Variants in MALRD1 observed in about 807,000 individuals in gnomAD.
MALRD1 encodes the protein MAM and LDL receptor class A domain containing 1.
A neutral mutation model predicts 242.1 loss-of-function variants in MALRD1; 247 were observed. The ratio of observed to expected loss-of-function variants is 1.02; its 90% CI spans 0.92 to 1.13. MALRD1 has a LOEUF of 1.13. Among genes scored for constraint, MALRD1 ranks in the 50% most tolerant of loss-of-function variants. The pLI, the probability that MALRD1 is intolerant of heterozygous loss-of-function variation, is 0.00. For synonymous variants in MALRD1, 995 were observed against 866.6 expected (o/e 1.15, Z -2.60); for missense variants, 2,989 against 2,533.1 (o/e 1.18, Z -3.86).
At chr10:19,624,529 C>T (rs577019627) in intron 36 of MALRD1, among the ~76,000 whole-genome samples, 1 of 152,056 alleles carries the variant, frequency 6.6e-6, no homozygotes, top group East Asian at 1.9e-4. Context: ...ATGACATAAA[C>T]CTGTGGAGCA....
chr10:19,069,748 A>G (rs1835085833), intron 2 of MALRD1, among the ~76,000 whole-genome samples: 1 of 145,630 alleles, frequency 6.9e-6, no homozygotes, highest in Non-Finnish European at 1.5e-5. Context: ...GATATCCACA[A>G]TTTCTTTTTT....
chr10:19,627,885 T>C (rs1053393560), intron 36 of MALRD1, among the ~76,000 whole-genome samples: 16 of 151,014 alleles, frequency 1.1e-4, no homozygotes, highest in Admixed American at 1.1e-3. Flanking sequence ...ATAAAAATTA[T>C]GTAACAGATA....
chr10:19,547,742 C>CACTTCA (rs138016039), intron 32 of MALRD1, among the ~76,000 whole-genome samples: 6,746 of 122,976 alleles, frequency 0.055, 593 homozygotes, highest in African/African-American at 0.19. Flanking sequence ...AGCTACAGCA[C>CACTTCA]ACTTCATTTT....
chr10:19,125,310 CTTCCTTCCTTCCTTCTTTCTTTCTTTCT>C (rs1837227030), intron 7 of MALRD1, among the ~76,000 whole-genome samples: 1 of 71,526 alleles, frequency 1.4e-5, no homozygotes, highest in African/African-American at 6.6e-5. Context: ...TCCTTCCTTC[CTTCCTTCCTTCCTTCTTTCTTTCTTTCT>C]TTCTTTCTTT....
chr10:19,283,125 C>G lies in MALRD1; in HGVS notation c.3363C>G (p.Asn1121Lys). ...DSNTFRWGLGNGISIHHGEEN... is the reference protein window; with the variant it reads ...DSNTFRWGLGKGISIHHGEEN... ...ACACATTCAGGTGGGGGCTTGGGAA[C>G]GGGATCAGCATTCATCATGGGGAAG... Residue 1121 changes from asparagine (N) to lysine (K), a missense_variant, in exon 21 of 40, where the codon AAC becomes AAG. By Grantham distance (94) the Asn-to-Lys change is moderately conservative. Coordinates refer to ENST00000454679, the MANE Select transcript of MALRD1 (RefSeq NM_001142308.3). 3 of 1,549,454 alleles carry G rather than the reference C, an allele frequency of 1.9e-6. No homozygotes were observed. The highest frequency in any genetic ancestry group is 2.6e-6 in the Non-Finnish European group (3 of 1,146,332).
intron 26 of MALRD1, among the ~76,000 whole-genome samples, chr10:19,378,285 T>C (rs1845693091): frequency 6.6e-6 from 1 of 152,178 alleles, no homozygotes; most frequent in South Asian, 2.1e-4. Flanking sequence ...TCCACTGTAA[T>C]TTATCACATG....
intron 28 of MALRD1, among the ~76,000 whole-genome samples, chr10:19,393,776 G>A (rs947343517): frequency 2.7e-5 from 4 of 150,174 alleles, no homozygotes; most frequent in African/African-American, 9.8e-5. Flanking sequence ...AATTAATGAT[G>A]AGTAATATGT....
chr10:19,508,121 GGAA>G (rs1026102246), intron 31 of MALRD1, among the ~76,000 whole-genome samples: 104 of 151,468 alleles, frequency 6.9e-4, no homozygotes, highest in African/African-American at 2.5e-3. Flanking sequence ...TGGGGGTGGG[GGAA>G]GAAGAGTGAG....
intron 28 of MALRD1, among the ~76,000 whole-genome samples, chr10:19,422,593 A>T (rs571968469): frequency 6.6e-6 from 1 of 152,266 alleles, no homozygotes; most frequent in Non-Finnish European, 1.5e-5. Flanking sequence ...AACAAATGAG[A>T]ATTGCATTTT....
At chr10:19,375,983 G>A (rs753517657) in intron 26 of MALRD1, among the ~76,000 whole-genome samples, 4 of 152,118 alleles carry the variant, frequency 2.6e-5, no homozygotes, top group African/African-American at 4.8e-5. Flanking sequence ...TTTGCTGGGC[G>A]TGGTGATGCA....
chr10:19,282,652 C>A (rs186050843), intron 20 of MALRD1, among the ~76,000 whole-genome samples: 1 of 152,120 alleles, frequency 6.6e-6, no homozygotes, highest in Admixed American at 6.6e-5. Flanking sequence ...TTAGCAATAA[C>A]CCCTTCAGAG....
At chr10:19,712,426 T>G (rs889475869) in intron 38 of MALRD1, among the ~76,000 whole-genome samples, 1 of 152,202 alleles carries the variant, frequency 6.6e-6, no homozygotes, top group Non-Finnish European at 1.5e-5. Context: ...TTTAACTAAA[T>G]GTATTAATAA....
chr10:19,385,522 TG>T (rs1846037256), intron 26 of MALRD1, among the ~76,000 whole-genome samples: 1 of 152,088 alleles, frequency 6.6e-6, no homozygotes, highest in Admixed American at 6.6e-5. Context: ...ATTCAATTCT[TG>T]GTGTATAATT....
At chr10:19,683,085 C>T (rs984963915) in intron 36 of MALRD1, among the ~76,000 whole-genome samples, 3 of 151,034 alleles carry the variant, frequency 2.0e-5, no homozygotes, top group Admixed American at 6.6e-5. Context: ...CTTGAGGCCA[C>T]GTAGTTCAAG....
At chr10:19,673,912 C>T (rs186177195) in intron 36 of MALRD1, among the ~76,000 whole-genome samples, 31 of 151,446 alleles carry the variant, frequency 2.0e-4, no homozygotes, top group African/African-American at 4.8e-4. Flanking sequence ...AATTTATATG[C>T]GTGTGCATGT....
chr10:19,352,570 C>T (rs1057300740), intron 26 of MALRD1, among the ~76,000 whole-genome samples: 1 of 152,094 alleles, frequency 6.6e-6, no homozygotes, highest in Non-Finnish European at 1.5e-5. Context: ...AGAGAAGACT[C>T]CTTTGTTTGC....
chr10:19,588,305 A>C (rs934749422), intron 33 of MALRD1, among the ~76,000 whole-genome samples: 1 of 152,224 alleles, frequency 6.6e-6, no homozygotes, highest in African/African-American at 2.4e-5. Flanking sequence ...TAAAATTACT[A>C]TTTAAACCAC....
chr10:19,387,809 A>G (rs973804796), intron 27 of MALRD1, 36 bp downstream of exon 27: 28 of 1,530,248 alleles, frequency 1.8e-5, no homozygotes, highest in African/African-American at 4.2e-5. Flanking sequence ...CTTTCACATG[A>G]TTTTCACAAT....
At chr10:19,535,577 G>GTACATATATGTATATACA (rs1564422255) in intron 32 of MALRD1, among the ~76,000 whole-genome samples, 14 of 147,882 alleles carry the variant, frequency 9.5e-5, no homozygotes, top group African/African-American at 3.0e-4. Flanking sequence ...ATGTATATAC[G>GTACATATATGTATATACA]TATATATATA....
Sources: allele counts gnomAD v4.1 joint callset (sites outside exome capture counted in the v4.1 genomes callset), GRCh38; gene constraint gnomAD v4.1.1; transcripts MANE v1.5; gene names NCBI Gene and HGNC (gene_info 2026-07-23, HGNC 2026-07-21).